The following FAXC variants were observed in gnomAD, a reference collection of about 807,000 sequenced individuals.
FAXC encodes failed axon connections homolog.
In FAXC, 10 loss-of-function variants were observed where a neutral mutation model predicts 41.9. That is an observed-to-expected ratio of 0.24 (90% CI 0.15 to 0.41). FAXC has a LOEUF of 0.41. FAXC is among the 10% of genes least tolerant of loss of function. The probability of loss-of-function intolerance (pLI) is 1.00; values close to 1 mark genes in which losing one functional copy is unlikely to be tolerated. For missense variants in FAXC, 399 were observed against 510.9 expected, an observed-to-expected ratio of 0.78 and a Z score of 2.11; for synonymous variants, 183 against 183.8, an observed-to-expected ratio of 1.00 and a Z score of 0.03.
Position 99,281,181 on chromosome 6 carries a change from G to T in FAXC, c.1213C>A (p.His405Asn). 6.9e-7 allele frequency: 1 copy of T among 1,451,044 alleles called. No homozygotes were observed. Among genetic ancestry groups the T allele is most frequent in the Non-Finnish European group, 9.7e-7 (1 of 1,031,570 alleles). 89.9% of individuals were successfully genotyped at this position (1,451,044 alleles called of 1,614,324 possible). A position where few individuals can be genotyped will look rare whatever the true frequency, so the allele number is the denominator to read the frequency against. Residue 405 changes from histidine (H) to asparagine (N), a missense_variant, in exon 6 of 6, where the codon CAC becomes AAC. Transcript: ENST00000389677. ...GCTGGACGTCACTTGCACTGTTCGT[G>T]GTCTGTATAGTCATCCATGTCCACA... ...SDVDMDDYTD[H>N]EQCK
chr6:99,298,053 C>T (rs1771567759), intron 4 of FAXC, among the ~76,000 whole-genome samples: 1 of 152,148 alleles, frequency 6.6e-6, no homozygotes, highest in Non-Finnish European at 1.5e-5. Context: ...GCTTTCGGGT[C>T]AGGGTTTCTC....
intron 4 of FAXC, among the ~76,000 whole-genome samples, chr6:99,316,140 C>T (rs181605574): frequency 6.6e-6 from 1 of 151,078 alleles, no homozygotes; most frequent in African/African-American, 2.4e-5. Context: ...AAACTCAGGC[C>T]CAGCTTTAAC....
rs116991712 is a variant in FAXC at position 99,342,814 on chromosome 6, G to C, written c.402+84C>G. ...CCATCCCCTCTGGCATCCACTGTGTGAGACGAAATATTCCCCCCTTTAGTT... is the reference window on the plus strand; with the variant it reads ...CCATCCCCTCTGGCATCCACTGTGTCAGACGAAATATTCCCCCCTTTAGTT... On this transcript the variant is annotated intron_variant, in intron 2 of 5. Coordinates refer to ENST00000389677, the MANE Select transcript of FAXC (RefSeq NM_032511.4). 2.2e-3 allele frequency: 3,063 copies of C among 1,362,782 alleles called. 19 individuals are homozygous for C. The highest frequency in any genetic ancestry group is 0.011 in the South Asian group (754 of 68,334). 84.4% of individuals were successfully genotyped at this position (1,362,782 alleles called of 1,614,324 possible).
At chr6:99,302,163 C>T (rs1270280898) in intron 4 of FAXC, among the ~76,000 whole-genome samples, 8 of 152,226 alleles carry the variant, frequency 5.3e-5, no homozygotes, top group Non-Finnish European at 8.8e-5. Flanking sequence ...CTCAGGTCCT[C>T]ACTGGCTCAT....
At position 99,284,559 on chromosome 6, in the gene FAXC, C is replaced by CTGTGTG. The variant is rs74553398; in HGVS notation, c.941-3112_941-3107dup. 6.6e-3 allele frequency among the ~76,000 whole-genome samples: 787 copies of CTGTGTG among 118,898 alleles called. 9 individuals are homozygous for CTGTGTG. Among genetic ancestry groups the CTGTGTG allele is most frequent in the African/African-American group, 0.025 (695 of 28,364 alleles). The allele number at this position is 118,898 out of a possible 152,430, so 78.0% of individuals were successfully genotyped here. A position where few individuals can be genotyped will look rare whatever the true frequency, so the allele number is the denominator to read the frequency against. The stretch of plus-strand genomic sequence containing the variant: ...AGCAGAAACAGGTTGTGTGGAGTGT[C>CTGTGTG]TGTGTGTGTGTGTGTGTGTGTGTGT... On this transcript the variant is annotated intron_variant, in intron 5 of 5. Coordinates refer to ENST00000389677, the MANE Select transcript of FAXC (RefSeq NM_032511.4).
At chr6:99,344,135 T>C (rs1017459279) in intron 1 of FAXC, among the ~76,000 whole-genome samples, 9 of 152,190 alleles carry the variant, frequency 5.9e-5, no homozygotes, top group African/African-American at 2.2e-4. Flanking sequence ...GTACCAATTC[T>C]GTATGGTTTA....
chr6:99,326,885 C>T (rs1363524698), intron 3 of FAXC, among the ~76,000 whole-genome samples: 2 of 152,176 alleles, frequency 1.3e-5, no homozygotes, highest in African/African-American at 4.8e-5. Context: ...GAAAACACAG[C>T]AGTGTAGAGA....
Position 99,323,592 on chromosome 6 carries a change from G to A in FAXC, c.675C>T (p.Pro225=). The A allele has an allele frequency of 6.2e-7, 1 of 1,614,218 alleles. No homozygotes were observed. Among genetic ancestry groups the A allele is most frequent in the Non-Finnish European group, 8.5e-7 (1 of 1,180,034 alleles). The change falls in exon 4 of 6, where the codon CCC becomes CCT. Residue 225 remains proline (P), a synonymous_variant. Transcript: ENST00000389677. ...CAACCCACCTCAGCAGGTTGCTGAA[G>A]GGACCACCACCACTAAGAGAGAGCA... ...RKMLSLSGGG[P]FSNLLRWVVC...
intron 2 of FAXC, among the ~76,000 whole-genome samples, chr6:99,337,791 CT>C (rs1012568206): frequency 6.6e-6 from 1 of 152,110 alleles, no homozygotes. Context: ...ATACATTGAG[CT>C]TTTTTTAAAA....
rs768109297 is a variant in FAXC, at chr6:99,279,975, A to G, written c.*1189T>C. On this transcript the variant is annotated 3_prime_UTR_variant, in exon 6 of 6. Coordinates refer to ENST00000389677, the MANE Select transcript of FAXC (RefSeq NM_032511.4). ...TTGCAAGGTTTGTTTTCAAAAAGACATTACAAGTTGGCAGGCTTCTGCTTA... is the reference window on the plus strand; with the variant it reads ...TTGCAAGGTTTGTTTTCAAAAAGACGTTACAAGTTGGCAGGCTTCTGCTTA... 2.6e-5 allele frequency: 4 copies of G among 152,236 alleles called. No homozygotes were observed. The highest frequency in any genetic ancestry group is 2.9e-5 in the Non-Finnish European group (2 of 68,036). 9.4% of individuals were successfully genotyped at this position (152,236 alleles called of 1,614,324 possible). A position where few individuals can be genotyped will look rare whatever the true frequency, so the allele number is the denominator to read the frequency against.
chr6:99,293,638 A>G (rs1160310092), intron 4 of FAXC, among the ~76,000 whole-genome samples: 3 of 148,366 alleles, frequency 2.0e-5, no homozygotes, highest in African/African-American at 7.6e-5. Flanking sequence ...TTCTTGAGTG[A>G]CATTTTTCCC....
intron 5 of FAXC, among the ~76,000 whole-genome samples, chr6:99,284,855 A>C (rs1770966982): frequency 6.6e-6 from 1 of 151,794 alleles, no homozygotes. Context: ...CAGAGGCTGC[A>C]GTGAGCCGAG....
chr6:99,313,438 G>C (rs1772222245), intron 4 of FAXC, among the ~76,000 whole-genome samples: 1 of 151,952 alleles, frequency 6.6e-6, no homozygotes, highest in African/African-American at 2.4e-5. Context: ...ATTTATAAAA[G>C]CTCTTCAAAT....
intron 5 of FAXC, among the ~76,000 whole-genome samples, chr6:99,287,280 T>C (rs574459812): frequency 6.6e-6 from 1 of 152,288 alleles, no homozygotes; most frequent in East Asian, 1.9e-4. Context: ...TTAAAAAATA[T>C]ATATATACAT....
intron 3 of FAXC, among the ~76,000 whole-genome samples, chr6:99,324,534 T>C (rs761122648): frequency 4.6e-5 from 7 of 152,234 alleles, no homozygotes; most frequent in Non-Finnish European, 8.8e-5. Context: ...CTTGGCTGAA[T>C]CCTTTTTCCC....
rs149006757 is a variant in FAXC at position 99,275,415 on chromosome 6, G to C, written c.*5749C>G. 21 of 152,254 alleles carry C rather than the reference G, an allele frequency of 1.4e-4. No individual in the cohort carries two copies. In the East Asian group the frequency reaches 4.0e-3, roughly 29 times the overall value. 9.4% of individuals were successfully genotyped at this position (152,254 alleles called of 1,614,324 possible). A position where few individuals can be genotyped will look rare whatever the true frequency, so the allele number is the denominator to read the frequency against. On this transcript the variant is annotated 3_prime_UTR_variant, in exon 6 of 6. Transcript: ENST00000389677. ...TTGGTGCTGCTAGACCATATCTGTA[G>C]GTTATTCGTTTTATTATTGCAATGG...
chr6:99,275,819 G>T lies in FAXC; in HGVS notation c.*5345C>A. ...ATTCAGATGAGGAAAACATGCCACA[G>T]ATGTTCGCATCCACGCCTGACAGTA... On this transcript the variant is annotated 3_prime_UTR_variant, in exon 6 of 6. Transcript: ENST00000389677. 6.6e-6 allele frequency: 1 copy of T among 152,182 alleles called. No individual in the cohort carries two copies. Among genetic ancestry groups the T allele is most frequent in the Non-Finnish European group, 1.5e-5 (1 of 68,028 alleles). The allele number at this position is 152,182 out of a possible 1,614,324, so 9.4% of individuals were successfully genotyped here.
In FAXC at chr6:99,349,121, T is replaced by C. The variant is rs776159156; in HGVS notation, c.252A>G (p.Glu84=). The C allele has an allele frequency of 2.7e-5, 43 of 1,613,088 alleles. No individual in the cohort carries two copies. Among genetic ancestry groups the C allele is most frequent in the Non-Finnish European group, 3.3e-5 (39 of 1,179,894 alleles). Reference sequence around the variant, plus strand: ...CTCCGGCTCACCTAATGACCAGGAGTTCGTGGAGCAGATACGCAGCTGCGG... The same window carrying C: ...CTCCGGCTCACCTAATGACCAGGAGCTCGTGGAGCAGATACGCAGCTGCGG... ...LLAAAAYLLH[E]LLVIRKQQEI... The change falls in exon 1 of 6, where the codon GAA becomes GAG. Residue 84 remains glutamate, a synonymous_variant. Transcript: ENST00000389677.
chr6:99,290,101 CCACACACACACACA>C (rs34319104), intron 5 of FAXC, among the ~76,000 whole-genome samples: 3 of 142,480 alleles, frequency 2.1e-5, no homozygotes, highest in African/African-American at 5.3e-5. Context: ...CCCTACCCCA[CCACACACACACACA>C]CACACACACA....
Sources: allele counts gnomAD v4.1 joint callset (sites outside exome capture counted in the v4.1 genomes callset), GRCh38; gene constraint gnomAD v4.1.1; transcripts MANE v1.5; gene names NCBI Gene and HGNC (gene_info 2026-07-23, HGNC 2026-07-21).